Variants in FRK observed in about 807,000 individuals in gnomAD.
FRK encodes the protein tyrosine-protein kinase FRK.
In FRK, 51 loss-of-function variants were observed where a neutral mutation model predicts 56.4. The ratio of observed to expected loss-of-function variants is 0.90; its 90% CI spans 0.72 to 1.14. FRK has a LOEUF of 1.14. FRK is among the 50% of genes most tolerant of loss of function. FRK has a pLI of 0.00. For synonymous variants in FRK, 245 were observed against 217.9 expected, an observed-to-expected ratio of 1.12 and a Z score of -1.10; for missense variants, 570 against 601.4, an observed-to-expected ratio of 0.95 and a Z score of 0.55.
At chr6:116,039,076 G>T in intron 1 of FRK, 1 of 772,372 alleles carries the variant, frequency 1.3e-6, no homozygotes, top group South Asian at 1.3e-5. Context: ...CAGATAAGCT[G>T]ATTGGGCAGA....
chr6:116,045,623 T>A (rs1776919482), intron 1 of FRK, among the ~76,000 whole-genome samples: 1 of 152,118 alleles, frequency 6.6e-6, no homozygotes, highest in African/African-American at 2.4e-5. Context: ...CCTAAAATCA[T>A]AAAAACCCTA....
chr6:116,045,191 C>T (rs1329365924), intron 1 of FRK, among the ~76,000 whole-genome samples: 1 of 152,198 alleles, frequency 6.6e-6, no homozygotes, highest in African/African-American at 2.4e-5. Flanking sequence ...CTATCCCCAT[C>T]AAGCTACCAC....
chr6:116,060,086 GC>G lies in FRK; in HGVS notation c.225del (p.Leu75PhefsTer67). 6.2e-7 allele frequency: 1 copy of G among 1,614,162 alleles called. No homozygotes were observed. Among genetic ancestry groups the G allele is most frequent in the Non-Finnish European group, 8.5e-7 (1 of 1,180,030 alleles). On this transcript the variant is annotated frameshift_variant, in exon 1 of 8. Transcript: ENST00000606080. LOFTEE classifies it high-confidence loss of function. Reference protein sequence around the residue: ...AGDKLQVLDTLHEGWWFARHL... With the variant: ...AGDKLQVLDTXHEGWWFARHL... ...TGTCTGGCAAACCACCAGCCCTCAT[GC>G]AAAGTGTCCAGAACTTGAAGTTTGT...
intron 1 of FRK, among the ~76,000 whole-genome samples, chr6:116,017,776 G>A (rs1345859295): frequency 6.6e-6 from 1 of 152,150 alleles, no homozygotes; most frequent in Non-Finnish European, 1.5e-5. Context: ...AAACACAGCT[G>A]TTTCTAGAAG....
chr6:115,992,672 G>A (rs1180009312), intron 2 of FRK, among the ~76,000 whole-genome samples: 1 of 151,780 alleles, frequency 6.6e-6, no homozygotes, highest in Non-Finnish European at 1.5e-5. Flanking sequence ...CTCAAAGAAA[G>A]TAAAGAGAAA....
intron 2 of FRK, among the ~76,000 whole-genome samples, chr6:115,990,641 T>C (rs576651437): frequency 2.6e-4 from 40 of 152,032 alleles, no homozygotes; most frequent in African/African-American, 8.7e-4. Context: ...TATGCCTACT[T>C]TTGTACCATT....
the FRK span, among the ~76,000 whole-genome samples, chr6:116,094,801 A>G: frequency 6.6e-6 from 1 of 152,148 alleles, no homozygotes; most frequent in Admixed American, 6.5e-5. Flanking sequence ...GACAGAGACA[A>G]AGAGGGAATC....
intron 1 of FRK, among the ~76,000 whole-genome samples, chr6:116,052,799 C>G (rs944788657): frequency 2.6e-5 from 4 of 152,070 alleles, no homozygotes; most frequent in Admixed American, 6.6e-5. Context: ...CACTCAATGT[C>G]CAGGACACCT....
At chr6:116,022,612 T>C (rs1041558107) in intron 1 of FRK, among the ~76,000 whole-genome samples, 1 of 152,114 alleles carries the variant, frequency 6.6e-6, no homozygotes, top group Non-Finnish European at 1.5e-5. Flanking sequence ...CTATTCATGA[T>C]TTAAAAACAA....
chr6:115,940,647 AC>A lies in FRK; in HGVS notation c.*1766del, dbSNP rs1243552677. ...CAAATTTAAAAGAAAAAAACAAACA[AC>A]CCCATCAAAAAGTGGGCGAAGGATT... On this transcript the variant is annotated 3_prime_UTR_variant, in exon 8 of 8. Coordinates refer to ENST00000606080, the MANE Select transcript of FRK (RefSeq NM_002031.3). The A allele has an allele frequency of 6.6e-6, 1 of 152,142 alleles. No individual in the cohort carries two copies. Among genetic ancestry groups the A allele is most frequent in the Non-Finnish European group, 1.5e-5 (1 of 68,016 alleles). The allele number at this position is 152,142 out of a possible 1,614,324, so 9.4% of individuals were successfully genotyped here.
At chr6:116,061,140 T>G (rs1777610201), upstream of FRK, among the ~76,000 whole-genome samples, 1 of 151,810 alleles carries the variant, frequency 6.6e-6, no homozygotes, top group Admixed American at 6.6e-5. Context: ...CAAATAGGAG[T>G]AGAATTGTTT....
chr6:116,054,016 C>T (rs1199645215), intron 1 of FRK, among the ~76,000 whole-genome samples: 1 of 151,694 alleles, frequency 6.6e-6, no homozygotes, highest in Admixed American at 6.6e-5. Context: ...TATGATTTTG[C>T]TATTATTTTT....
Position 115,958,768 on chromosome 6 carries a change from A to AAAGAG in FRK, c.800-2159_800-2158insCTCTT, listed in dbSNP as rs1292819468. On this transcript the variant is annotated intron_variant, in intron 4 of 7. Coordinates refer to ENST00000606080, the MANE Select transcript of FRK (RefSeq NM_002031.3). ...GAAAGAAAGAAAGAAAGAAAGAAAG[A>AAAGAG]GGGGGGGGAAGGAGAGAGAGAAAGA... 1.4e-4 allele frequency among the ~76,000 whole-genome samples: 11 copies of AAAGAG among 80,758 alleles called. 1 individual carries two copies. The highest frequency in any genetic ancestry group is 5.7e-4 in the Admixed American group (4 of 7,058). 53.0% of individuals were successfully genotyped at this position (80,758 alleles called of 152,430 possible).
intron 1 of FRK, among the ~76,000 whole-genome samples, chr6:116,017,537 C>T (rs748910383): frequency 2.6e-5 from 4 of 152,182 alleles, no homozygotes; most frequent in Non-Finnish European, 5.9e-5. Flanking sequence ...AGTTCTTTGC[C>T]CAGTTAAACT....
At position 115,967,713 on chromosome 6, in the gene FRK, C is replaced by A; in HGVS notation, c.637G>T (p.Val213Phe). Residue 213 changes from valine (V) to phenylalanine (F), a missense_variant, in exon 4 of 8, where the codon GTC becomes TTC. Transcript: ENST00000606080. The part of the protein sequence containing the change: ...KLGKPCLKIQ[V>F]PAPFDLSYKT... ...TACGACAAATCAAATGGAGCTGGGA[C>A]CTGGATCTGTTTCATAGAATAATAA... 6.3e-7 allele frequency: 1 copy of A among 1,594,954 alleles called. No homozygotes were observed. Among genetic ancestry groups the A allele is most frequent in the Non-Finnish European group, 8.6e-7 (1 of 1,169,504 alleles).
At chr6:116,045,968 A>G (rs1776939384) in intron 1 of FRK, among the ~76,000 whole-genome samples, 4 of 152,236 alleles carry the variant, frequency 2.6e-5, no homozygotes. Context: ...CAACCCCATC[A>G]AAAAGTGGGT....
intron 2 of FRK, among the ~76,000 whole-genome samples, chr6:116,002,414 C>T (rs966627747): frequency 9.9e-5 from 15 of 152,086 alleles, no homozygotes; most frequent in African/African-American, 3.4e-4. Context: ...GCCAGGAGAT[C>T]GAGACCATCC....
the FRK span, among the ~76,000 whole-genome samples, chr6:116,095,089 T>C: frequency 2.6e-5 from 4 of 152,254 alleles, no homozygotes; most frequent in African/African-American, 7.2e-5. Context: ...ACCCGTAGCC[T>C]TTCTATCAAA....
upstream of FRK, among the ~76,000 whole-genome samples, chr6:116,063,098 G>A (rs2114846578): frequency 6.6e-6 from 1 of 152,190 alleles, no homozygotes; most frequent in Non-Finnish European, 1.5e-5. Flanking sequence ...GAGGTGATAA[G>A]TCATTCCTAG....
Sources: allele counts gnomAD v4.1 joint callset (sites outside exome capture counted in the v4.1 genomes callset), GRCh38; gene constraint gnomAD v4.1.1; transcripts MANE v1.5; gene names NCBI Gene and HGNC (gene_info 2026-07-23, HGNC 2026-07-21).